TSC22D1: variants seen among roughly 807,000 people sequenced by gnomAD.
TSC22D1 encodes TSC22 domain family member 1.
Under a neutral mutation model 74.2 loss-of-function variants are expected in TSC22D1, and 9 were observed. The ratio of observed to expected loss-of-function variants is 0.12; its 90% CI spans 0.07 to 0.21. TSC22D1 has a LOEUF of 0.21. Among genes scored for constraint, TSC22D1 ranks in the 10% least tolerant of loss-of-function variants. The probability of loss-of-function intolerance (pLI) is 1.00; values close to 1 mark genes in which losing one functional copy is unlikely to be tolerated. For synonymous variants in TSC22D1, 586 were observed against 492.5 expected (o/e 1.19, Z -2.51); for missense variants, 1,427 against 1,304.7 (o/e 1.09, Z -1.44).
At chr13:44,499,809 G>A (rs771702761) in intron 1 of TSC22D1, among the ~76,000 whole-genome samples, 1 of 151,964 alleles carries the variant, frequency 6.6e-6, no homozygotes, top group Non-Finnish European at 1.5e-5. Context: ...ACAGCTAGCC[G>A]GGTGCAGTGG....
chr13:44,436,906 C>T, intron 1 of TSC22D1: 4 of 1,085,582 alleles, frequency 3.7e-6, no homozygotes, highest in Non-Finnish European at 4.5e-6. Flanking sequence ...AGAGCTGCGC[C>T]GATTGGCCGG....
intron 1 of TSC22D1, among the ~76,000 whole-genome samples, chr13:44,517,096 G>C (rs1880026545): frequency 1.3e-5 from 2 of 152,142 alleles, no homozygotes; most frequent in Admixed American, 1.3e-4. Context: ...GTGTGTGTTT[G>C]TGTGTATACA....
At chr13:44,567,442 A>AT (rs1246286842) in intron 1 of TSC22D1, among the ~76,000 whole-genome samples, 1 of 152,202 alleles carries the variant, frequency 6.6e-6, no homozygotes, top group Non-Finnish European at 1.5e-5. Context: ...AAGATGAAAG[A>AT]TAAAGACCAA....
intron 1 of TSC22D1, among the ~76,000 whole-genome samples, chr13:44,508,321 G>C (rs1184723796): frequency 6.6e-6 from 1 of 152,124 alleles, no homozygotes; most frequent in Non-Finnish European, 1.5e-5. Flanking sequence ...TTTAGCCAGG[G>C]GTTGGTGAGC....
intron 1 of TSC22D1, among the ~76,000 whole-genome samples, chr13:44,551,389 G>GGTGGGTGTGTGTGTGTGTGTGTGTGT (rs1298469090): frequency 8.0e-6 from 1 of 125,252 alleles, no homozygotes; most frequent in African/African-American, 3.1e-5. Flanking sequence ...CAATCAGATG[G>GGTGGGTGTGTGTGTGTGTGTGTGTGT]GTGTGTGTGT....
chr13:44,446,874 A>AT (rs1349938484), intron 1 of TSC22D1, among the ~76,000 whole-genome samples: 2 of 8,598 alleles, frequency 2.3e-4, no homozygotes, highest in South Asian at 2.1e-3. Context: ...AGAAAAAGAA[A>AT]CATATTTTTA....
chr13:44,434,324 A>G lies in TSC22D1; in HGVS notation c.*302T>C. On this transcript the variant is annotated 3_prime_UTR_variant, in exon 3 of 3. Transcript: ENST00000458659. ...GGGGTAGGGAGCCGGAAGGGATGGAAAGGCACACAGCTCCTGAGCATGAAT... is the reference window on the plus strand; with the variant it reads ...GGGGTAGGGAGCCGGAAGGGATGGAGAGGCACACAGCTCCTGAGCATGAAT... 7.3e-7 allele frequency: 1 copy of G among 1,376,810 alleles called. No homozygotes were observed. Among genetic ancestry groups the G allele is most frequent in the South Asian group, 1.8e-5 (1 of 54,930 alleles). The allele number at this position is 1,376,810 out of a possible 1,614,324, so 85.3% of individuals were successfully genotyped here. A position where few individuals can be genotyped will look rare whatever the true frequency, so the allele number is the denominator to read the frequency against.
chr13:44,576,244 G>A lies in TSC22D1; in HGVS notation c.-170C>T. 1 of 995,914 alleles carries A rather than the reference G, an allele frequency of 1.0e-6. No individual in the cohort carries two copies. Among genetic ancestry groups the A allele is most frequent in the African/African-American group, 1.6e-5 (1 of 61,004 alleles). The allele number at this position is 995,914 out of a possible 1,614,324, so 61.7% of individuals were successfully genotyped here. On this transcript the variant is annotated 5_prime_UTR_variant, in exon 1 of 3. Coordinates refer to ENST00000458659, the MANE Select transcript of TSC22D1 (RefSeq NM_183422.4). ...GCCGGTCGCTCCTGCCTTCGAGAGC[G>A]AGCTTCGGAAAGGAGGATGAACGAG...
intron 1 of TSC22D1, among the ~76,000 whole-genome samples, chr13:44,558,629 A>G (rs918782496): frequency 6.6e-6 from 1 of 152,162 alleles, no homozygotes; most frequent in Non-Finnish European, 1.5e-5. Context: ...AATCCCAGCT[A>G]CTTAGGAGGC....
intron 1 of TSC22D1, among the ~76,000 whole-genome samples, chr13:44,478,730 G>T (rs1396789279): frequency 6.6e-6 from 1 of 152,002 alleles, no homozygotes; most frequent in Non-Finnish European, 1.5e-5. Flanking sequence ...CTCTACCACG[G>T]TATCTAGTTT....
At chr13:44,539,923 ACTGAAATAGAGAG>A in intron 1 of TSC22D1, 1 of 1,289,444 alleles carries the variant, frequency 7.8e-7, no homozygotes, top group Non-Finnish European at 1.0e-6. Flanking sequence ...GGAGAGAAGC[ACTGAAATAGAGAG>A]CTGAATATAG....
chr13:44,539,505 T>C (rs1881340385), intron 1 of TSC22D1: 10 of 985,260 alleles, frequency 1.0e-5, no homozygotes, highest in Non-Finnish European at 1.2e-5. Context: ...GATATTCCCG[T>C]TTTAAAATTC....
intron 1 of TSC22D1, among the ~76,000 whole-genome samples, chr13:44,556,891 C>G (rs1021246449): frequency 6.6e-6 from 1 of 152,168 alleles, no homozygotes; most frequent in Admixed American, 6.5e-5. Context: ...CACCTGTAAT[C>G]CCAGCACTTT....
At chr13:44,521,125 A>C (rs1299350173) in intron 1 of TSC22D1, among the ~76,000 whole-genome samples, 1 of 152,198 alleles carries the variant, frequency 6.6e-6, no homozygotes, top group Non-Finnish European at 1.5e-5. Flanking sequence ...ATTGGGCTTA[A>C]GACTGCCCCT....
chr13:44,538,537 A>G (rs1881284886), intron 1 of TSC22D1: 1 of 985,422 alleles, frequency 1.0e-6, no homozygotes, highest in East Asian at 1.1e-4. Flanking sequence ...ACAGATACAG[A>G]GAGCCGCTTT....
Position 44,574,316 on chromosome 13 carries a change from C to T in TSC22D1, c.1759G>A (p.Val587Ile). ...GGCTGCTGACCTAAAGCTGAAGTTA[C>T]ACCAACCACATTTACAGGCGATGGC... is the stretch of plus-strand genomic sequence containing the variant. ...IQPSPVNVVGVTSALGQQPSI... is the reference protein window; with the variant it reads ...IQPSPVNVVGITSALGQQPSI... Residue 587 changes from valine (V) to isoleucine (I), a missense_variant, in exon 1 of 3, where the codon GTA (valine) becomes ATA (isoleucine). Physicochemically the swap from Val to Ile is conservative, Grantham distance 29 (BLOSUM62 3). Transcript: ENST00000458659. The T allele has an allele frequency of 1.2e-6, 2 of 1,614,256 alleles. No homozygotes were observed. Among genetic ancestry groups the T allele is most frequent in the Non-Finnish European group, 1.7e-6 (2 of 1,180,052 alleles).
intron 1 of TSC22D1, among the ~76,000 whole-genome samples, chr13:44,559,730 G>C (rs899742003): frequency 2.7e-5 from 4 of 146,774 alleles, no homozygotes; most frequent in African/African-American, 1.0e-4. Flanking sequence ...TTGCTCTGCT[G>C]CCCAGGCTGG....
At chr13:44,439,125 C>A (rs1056238601) in intron 1 of TSC22D1, among the ~76,000 whole-genome samples, 1 of 152,154 alleles carries the variant, frequency 6.6e-6, no homozygotes, top group Non-Finnish European at 1.5e-5. Flanking sequence ...GCAAGAGAAG[C>A]AAATATAAGC....
chr13:44,434,694 T>A lies in TSC22D1; in HGVS notation c.3154A>T (p.Thr1052Ser). The change falls in exon 3 of 3, where the codon ACC becomes TCC. Residue 1052 changes from threonine (T) to serine (S), a missense_variant. Thr to Ser is a moderately conservative substitution (Grantham distance 58, BLOSUM62 1). Around this residue, in one of 3 missense-constraint regions of TSC22D1, gnomAD observed 63 missense variants for 50.5 expected, o/e 1.25. Coordinates refer to ENST00000458659, the MANE Select transcript of TSC22D1 (RefSeq NM_183422.4). Reference protein sequence around the residue: ...QLQTGSPPATTQPQGTTQPPA... With the variant: ...QLQTGSPPATSQPQGTTQPPA... ...GGCTGTGTGGTGCCCTGTGGCTGGG[T>A]GGTGGCAGGGGGGGAGCCAGTCTGC... 1 of 1,606,506 alleles carries A rather than the reference T, an allele frequency of 6.2e-7. No homozygotes were observed. The highest frequency in any genetic ancestry group is 8.5e-7 in the Non-Finnish European group (1 of 1,177,504).
Sources: allele counts gnomAD v4.1 joint callset (sites outside exome capture counted in the v4.1 genomes callset), GRCh38; gene constraint gnomAD v4.1.1; regional missense constraint gnomAD v4.1.1; transcripts MANE v1.5; gene names NCBI Gene and HGNC (gene_info 2026-07-23, HGNC 2026-07-21).